The following CSNK2A1 variants were observed in gnomAD, a reference collection of about 807,000 sequenced individuals.
The protein encoded by CSNK2A1 is casein kinase 2 alpha 1.
CSNK2A1 carries 10 observed loss-of-function variants against 62.9 expected under a neutral mutation model. The ratio of observed to expected loss-of-function variants is 0.16; its 90% CI spans 0.10 to 0.27. The LOEUF (loss-of-function observed/expected upper bound fraction) is 0.27. Among genes scored for constraint, CSNK2A1 ranks in the 10% least tolerant of loss-of-function variants. The pLI, the probability that CSNK2A1 is intolerant of heterozygous loss-of-function variation, is 1.00. For missense variants in CSNK2A1, 160 were observed against 492.0 expected (o/e 0.33, Z 6.38); for synonymous variants, 124 against 167.8 (o/e 0.74, Z 2.02).
chr20:538,226 T>C (rs1171877953), intron 1 of CSNK2A1, among the ~76,000 whole-genome samples: 1 of 152,144 alleles, frequency 6.6e-6, no homozygotes, highest in Non-Finnish European at 1.5e-5. Flanking sequence ...GGATTACAGG[T>C]GTGAGCCACC....
chr20:536,292 A>G (rs938927510), intron 1 of CSNK2A1, among the ~76,000 whole-genome samples: 2 of 152,206 alleles, frequency 1.3e-5, no homozygotes, highest in Non-Finnish European at 2.9e-5. Flanking sequence ...GAATGACAGC[A>G]CTGGCAATAA....
Position 517,512 on chromosome 20 carries a change from G to A in CSNK2A1, c.-109-8852C>T, listed in dbSNP as rs116805689. Among the ~76,000 whole-genome samples, 1,054 of 152,212 alleles carry A rather than the reference G, an allele frequency of 6.9e-3. 12 individuals are homozygous for A. Among genetic ancestry groups the A allele is most frequent in the African/African-American group, 0.024 (990 of 41,518 alleles). ...CTTGAAACAATTAAGTCATGGTGGT[G>A]TACAGACGTTGAAGGGTATTTAAAC... On this transcript the variant is annotated intron_variant, in intron 2 of 13. Transcript: ENST00000217244.
chr20:523,760 G>A (rs985093701), intron 2 of CSNK2A1, among the ~76,000 whole-genome samples: 9 of 151,292 alleles, frequency 5.9e-5, no homozygotes, highest in Non-Finnish European at 1.2e-4. Context: ...GAGCGGTGGT[G>A]GGCGCCTGTA....
chr20:483,675 A>G lies in CSNK2A1; in HGVS notation c.*286T>C, dbSNP rs958228779. 4.8e-5 allele frequency: 10 copies of G among 207,900 alleles called. No individual in the cohort carries two copies. The highest frequency in any genetic ancestry group is 2.3e-4 in the African/African-American group (10 of 43,460). The allele number at this position is 207,900 out of a possible 1,614,324, so 12.9% of individuals were successfully genotyped here. Reference sequence around the variant, plus strand: ...TTGTTCTTTTGTGATGAGGAACTAAATTTGGGAGGGGAGAAAAAAAAATTT... The same window carrying G: ...TTGTTCTTTTGTGATGAGGAACTAAGTTTGGGAGGGGAGAAAAAAAAATTT... On this transcript the variant is annotated 3_prime_UTR_variant, in exon 14 of 14. Coordinates refer to ENST00000217244, the MANE Select transcript of CSNK2A1 (RefSeq NM_177559.3).
At chr20:503,636 C>A in intron 4 of CSNK2A1, 1 of 398,480 alleles carries the variant, frequency 2.5e-6, no homozygotes, top group Non-Finnish European at 4.4e-6. Flanking sequence ...TTATACTCCT[C>A]GCGATGGCAT....
At position 508,628 on chromosome 20, in the gene CSNK2A1, G is replaced by A. The variant is rs546474070; in HGVS notation, c.-77C>T. Reference sequence around the variant, plus strand: ...TCACTGTGTTCAGAAGCAGCTGGGGGTAAGACCTTGTTTCAGACCTGTTTT... The same window carrying A: ...TCACTGTGTTCAGAAGCAGCTGGGGATAAGACCTTGTTTCAGACCTGTTTT... On this transcript the variant is annotated 5_prime_UTR_variant, in exon 3 of 14. Coordinates refer to ENST00000217244, the MANE Select transcript of CSNK2A1 (RefSeq NM_177559.3). 45 of 1,445,818 alleles carry A rather than the reference G, an allele frequency of 3.1e-5. No homozygotes were observed. Among genetic ancestry groups the A allele is most frequent in the East Asian group, 2.6e-4 (11 of 43,080 alleles). The allele number at this position is 1,445,818 out of a possible 1,614,324, so 89.6% of individuals were successfully genotyped here. A position where few individuals can be genotyped will look rare whatever the true frequency, so the allele number is the denominator to read the frequency against.
At chr20:529,093 T>G (rs1228512607) in intron 1 of CSNK2A1, among the ~76,000 whole-genome samples, 2 of 152,110 alleles carry the variant, frequency 1.3e-5, no homozygotes, top group Non-Finnish European at 1.5e-5. Context: ...CAGGCTGGAG[T>G]GCAGTGGTGC....
At chr20:508,394 A>T in intron 3 of CSNK2A1, 57 bp downstream of exon 3, 2 of 1,586,632 alleles carry the variant, frequency 1.3e-6, no homozygotes, top group Non-Finnish European at 1.7e-6. Context: ...ACTACTCAAC[A>T]GATCCACAAG....
intron 2 of CSNK2A1, among the ~76,000 whole-genome samples, chr20:520,553 G>A (rs1001511845): frequency 2.6e-5 from 4 of 152,100 alleles, no homozygotes; most frequent in African/African-American, 7.2e-5. Context: ...ACGCTGGAGT[G>A]CAGGGGCATG....
In CSNK2A1 at chr20:508,049, C is replaced by T. The variant is rs118087013; in HGVS notation, c.101+402G>A. Reference sequence around the variant, plus strand: ...ACACAATGGTATTTGTGTATCTAAACGTAGAAAAGGTAATGAATGCACTGT... The same window carrying T: ...ACACAATGGTATTTGTGTATCTAAATGTAGAAAAGGTAATGAATGCACTGT... On this transcript the variant is annotated intron_variant, in intron 3 of 13. Coordinates refer to ENST00000217244, the MANE Select transcript of CSNK2A1 (RefSeq NM_177559.3). 60 of 158,202 alleles carry T rather than the reference C, an allele frequency of 3.8e-4. 1 individual carries two copies. In the East Asian group the frequency reaches 8.7e-3, roughly 23 times the overall value. 9.8% of individuals were successfully genotyped at this position (158,202 alleles called of 1,614,324 possible).
chr20:511,709 C>T (rs200576194), intron 2 of CSNK2A1, among the ~76,000 whole-genome samples: 58,257 of 150,982 alleles, frequency 0.39, 12,730 homozygotes, highest in African/African-American at 0.6. Flanking sequence ...TATATACACA[C>T]ACACACACAC....
At chr20:508,855 A>T (rs557618088) in intron 2 of CSNK2A1, among the ~76,000 whole-genome samples, 195 bp from the exon 3 acceptor site, 10 of 152,262 alleles carry the variant, frequency 6.6e-5, no homozygotes, top group African/African-American at 1.9e-4. Flanking sequence ...CAGTAAACTG[A>T]TATTTGCTTT....
rs761773206 is a variant in CSNK2A1, at chr20:489,907, T to C, written c.622-26A>G. On this transcript the variant is annotated intron_variant, in intron 9 of 13. Coordinates refer to ENST00000217244, the MANE Select transcript of CSNK2A1 (RefSeq NM_177559.3). ...CTGCATAAAAGTAAACTCACTGTTATTATCTGTGAATCCTCAGGCTTGTCA... is the reference window on the plus strand; with the variant it reads ...CTGCATAAAAGTAAACTCACTGTTACTATCTGTGAATCCTCAGGCTTGTCA... 9.6e-6 allele frequency: 15 copies of C among 1,555,072 alleles called. No homozygotes were observed. The African/African-American group carries it at 1.4e-4, about 14-fold the overall frequency.
chr20:486,260 A>G, intron 13 of CSNK2A1, 116 bp downstream of exon 13: 1 of 1,195,742 alleles, frequency 8.4e-7, no homozygotes, highest in African/African-American at 1.5e-5. Context: ...TGGTTAAAAA[A>G]AAGTCACAAG....
intron 2 of CSNK2A1, among the ~76,000 whole-genome samples, chr20:510,892 A>AT (rs997136304): frequency 1.1e-4 from 17 of 148,900 alleles, no homozygotes; most frequent in East Asian, 2.0e-4. Flanking sequence ...AATTAAATAA[A>AT]TTTTTTTTTT....
At position 532,219 on chromosome 20, in the gene CSNK2A1, C is replaced by A. The variant is rs908209111; in HGVS notation, c.-226-4170G>T. Among the ~76,000 whole-genome samples the A allele has an allele frequency of 5.3e-5, 8 of 151,700 alleles. No homozygotes were observed. The East Asian group carries it at 1.4e-3, about 26-fold the overall frequency. The stretch of plus-strand genomic sequence containing the variant: ...TCGCTCTGTCGCCAGGCCTGGAGTG[C>A]AGTGGCACGCTCTCGGCTTACTGCA... On this transcript the variant is annotated intron_variant, in intron 1 of 13. Coordinates refer to ENST00000217244, the MANE Select transcript of CSNK2A1 (RefSeq NM_177559.3).
chr20:489,162 A>G (rs912599160), intron 10 of CSNK2A1: 3 of 206,206 alleles, frequency 1.5e-5, no homozygotes, highest in Non-Finnish European at 2.9e-5. Flanking sequence ...CCCTTACAAG[A>G]TCAGCTATGA....
chr20:483,247 A>G lies in CSNK2A1; in HGVS notation c.*714T>C, dbSNP rs1342588819. 2.0e-5 allele frequency: 3 copies of G among 152,216 alleles called. No individual in the cohort carries two copies. Among genetic ancestry groups the G allele is most frequent in the African/African-American group, 7.2e-5 (3 of 41,442 alleles). The allele number at this position is 152,216 out of a possible 1,614,324, so 9.4% of individuals were successfully genotyped here. ...AACATTTTAAACTGAACTAAAAATA[A>G]AAGTATAAATGAGTTGGATTTAGGG... On this transcript the variant is annotated 3_prime_UTR_variant, in exon 14 of 14. Coordinates refer to ENST00000217244, the MANE Select transcript of CSNK2A1 (RefSeq NM_177559.3).
intron 1 of CSNK2A1, among the ~76,000 whole-genome samples, chr20:536,101 A>G (rs967846483): frequency 6.6e-6 from 1 of 151,718 alleles, no homozygotes; most frequent in South Asian, 2.1e-4. Context: ...GGTAATAGAC[A>G]CTGTACACGA....
Sources: allele counts gnomAD v4.1 joint callset (sites outside exome capture counted in the v4.1 genomes callset), GRCh38; gene constraint gnomAD v4.1.1; transcripts MANE v1.5; gene names NCBI Gene and HGNC (gene_info 2026-07-23, HGNC 2026-07-21).